Variants in NUP155 observed in about 807,000 individuals in gnomAD.
The protein encoded by NUP155 is nucleoporin 155, also known as nuclear pore complex protein Nup155.
NUP155 carries 71 observed loss-of-function variants against 180.4 expected under a neutral mutation model. That is an observed-to-expected ratio of 0.39 (90% CI 0.33 to 0.48). NUP155 has a LOEUF of 0.48. Among genes scored for constraint, NUP155 ranks in the 20% least tolerant of loss-of-function variants. The pLI is 0.91. For missense variants in NUP155, 1,553 were observed against 1,648.9 expected, an observed-to-expected ratio of 0.94 and a Z score of 1.01; for synonymous variants, 582 against 559.5, an observed-to-expected ratio of 1.04 and a Z score of -0.57.
At chr5:37,339,642 A>T (rs1410768494) in intron 11 of NUP155, among the ~76,000 whole-genome samples, 2 of 152,154 alleles carry the variant, frequency 1.3e-5, no homozygotes, top group Non-Finnish European at 2.9e-5. Context: ...CCCTCAAATG[A>T]CTTGGAAAAA....
intron 1 of NUP155, among the ~76,000 whole-genome samples, chr5:37,366,648 A>T (rs1274311881): frequency 7.1e-6 from 1 of 141,190 alleles, no homozygotes; most frequent in East Asian, 2.1e-4. Context: ...CATGTTGGCC[A>T]GGATAGTCTC....
chr5:37,306,037 A>C (rs1454782269), intron 25 of NUP155, among the ~76,000 whole-genome samples: 2 of 152,206 alleles, frequency 1.3e-5, no homozygotes, highest in Admixed American at 6.5e-5. Context: ...CTTTTTCAAT[A>C]AGTTTGAGAA....
chr5:37,368,260 C>T (rs1406246086), intron 1 of NUP155, among the ~76,000 whole-genome samples: 1 of 137,942 alleles, frequency 7.2e-6, no homozygotes. Context: ...CACTCTGTTG[C>T]CCAGGCTGGA....
intron 1 of NUP155, among the ~76,000 whole-genome samples, chr5:37,366,134 C>CT (rs1747571997): frequency 6.6e-6 from 1 of 152,138 alleles, no homozygotes; most frequent in Admixed American, 6.6e-5. Flanking sequence ...TTCTCTTGCT[C>CT]TAAGACTCCA....
At chr5:37,321,475 T>C (rs914341131) in intron 20 of NUP155, among the ~76,000 whole-genome samples, 1 of 152,116 alleles carries the variant, frequency 6.6e-6, no homozygotes, top group Non-Finnish European at 1.5e-5. Context: ...TCCCAGCACT[T>C]TGGGAGGCTG....
intron 20 of NUP155, among the ~76,000 whole-genome samples, chr5:37,323,276 G>C (rs1361644451): frequency 6.6e-6 from 1 of 152,186 alleles, no homozygotes; most frequent in African/African-American, 2.4e-5. Flanking sequence ...CAGAGCAAGA[G>C]TCCGTCTAAA....
At chr5:37,334,107 G>T (rs1472038318) in intron 12 of NUP155, among the ~76,000 whole-genome samples, 6 of 142,888 alleles carry the variant, frequency 4.2e-5, no homozygotes, top group Non-Finnish European at 6.2e-5. Flanking sequence ...GGCCTCTGGG[G>T]TTTTTTTTTT....
At position 37,333,624 on chromosome 5, in the gene NUP155, C is replaced by A. The variant is rs778625364; in HGVS notation, c.1357G>T (p.Gly453Cys). ...AGAGCCCAGGAATGACCATCAACAC[C>A]AGCTGTCATCTATGTAAAAGAAATA... ...KPMMETQMTA[G>C]VDGHSWALSA... is the part of the protein sequence containing the mutation. Residue 453 changes from glycine (G) to cysteine (C), a missense_variant, in exon 13 of 35, where the codon GGT (glycine) becomes TGT (cysteine). Gly to Cys is a radical substitution (Grantham distance 159). Coordinates refer to ENST00000231498, the MANE Select transcript of NUP155 (RefSeq NM_153485.3). The A allele has an allele frequency of 6.2e-7, 1 of 1,613,022 alleles. No individual in the cohort carries two copies. The highest frequency in any genetic ancestry group is 1.1e-5 in the South Asian group (1 of 91,046).
At chr5:37,331,084 G>A (rs940642614) in intron 14 of NUP155, among the ~76,000 whole-genome samples, 2 of 151,774 alleles carry the variant, frequency 1.3e-5, no homozygotes, top group Admixed American at 1.3e-4. Context: ...GGGAGGTGGA[G>A]CTTAGAGTGA....
intron 24 of NUP155, 101 bp downstream of exon 24, chr5:37,309,028 G>A (rs1743357236): frequency 2.5e-6 from 3 of 1,218,120 alleles, no homozygotes; most frequent in Non-Finnish European, 3.6e-6. Context: ...AAGAAGATTT[G>A]CATCTGGAAA....
At chr5:37,350,407 C>T (rs527612794) in intron 6 of NUP155, 142 bp from the exon 7 acceptor site, 11 of 635,296 alleles carry the variant, frequency 1.7e-5, no homozygotes, top group East Asian at 1.4e-4. Flanking sequence ...ATCAACAAAA[C>T]GAGACATATT....
In NUP155 at chr5:37,318,693, C is replaced by A. The variant is rs183667157; in HGVS notation, c.2208-608G>T. Reference sequence around the variant, plus strand: ...CCAAACAGTTCGGATAAGGGATATTCAATGTGTATCACAATACATAAAAAA... The same window carrying A: ...CCAAACAGTTCGGATAAGGGATATTAAATGTGTATCACAATACATAAAAAA... On this transcript the variant is annotated intron_variant, in intron 20 of 34. Coordinates refer to ENST00000231498, the MANE Select transcript of NUP155 (RefSeq NM_153485.3). Among the ~76,000 whole-genome samples, 10 of 152,144 alleles carry A rather than the reference C, an allele frequency of 6.6e-5. 1 individual carries two copies. The East Asian group carries it at 1.7e-3, about 26-fold the overall frequency.
Position 37,304,746 on chromosome 5 carries a change from A to T in NUP155, c.3155T>A (p.Leu1052Gln), listed in dbSNP as rs1312302435. The change falls in exon 27 of 35, where the codon CTG becomes CAG. Residue 1052 changes from leucine (L) to glutamine (Q), a missense_variant. Coordinates refer to ENST00000231498, the MANE Select transcript of NUP155 (RefSeq NM_153485.3). Reference protein sequence around the residue: ...WLIQVDLADKLLQVASPFLEP... With the variant: ...WLIQVDLADKQLQVASPFLEP... ...CAATAAAAAAAGATTTACCTGTAGC[A>T]GCTTATCTGCAAGGTCGACTTGTAT... 1 of 1,602,092 alleles carries T rather than the reference A, an allele frequency of 6.2e-7. No individual in the cohort carries two copies. The highest frequency in any genetic ancestry group is 1.1e-5 in the South Asian group (1 of 90,790).
chr5:37,364,421 T>C, intron 1 of NUP155, 37 bp from the exon 2 acceptor site: 3 of 1,595,964 alleles, frequency 1.9e-6, no homozygotes, highest in Non-Finnish European at 2.6e-6. Flanking sequence ...AATAATGTAC[T>C]GCTCATCAAC....
At chr5:37,292,172 T>C in intron 34 of NUP155, 134 bp from the exon 35 acceptor site, 1 of 852,218 alleles carries the variant, frequency 1.2e-6, no homozygotes, top group South Asian at 1.6e-5. Context: ...AAATAAGAAA[T>C]AAAGTAAAAA....
intron 27 of NUP155, among the ~76,000 whole-genome samples, chr5:37,303,782 T>C (rs1480346001): frequency 6.8e-6 from 1 of 147,554 alleles, no homozygotes; most frequent in African/African-American, 2.5e-5. Context: ...ACCTCGTCTC[T>C]ACAAAAAAAT....
In NUP155 at chr5:37,353,421, A is replaced by G. The variant is rs571924627; in HGVS notation, c.464-592T>C. Among the ~76,000 whole-genome samples, 8 of 152,120 alleles carry G rather than the reference A, an allele frequency of 5.3e-5. No homozygotes were observed. The East Asian group carries it at 1.4e-3, about 26-fold the overall frequency. ...AACATGGTGAAACCCCATCTCTACT[A>G]AAAACAAAAAATTAGCCGAGTGTGG... On this transcript the variant is annotated intron_variant, in intron 4 of 34. Coordinates refer to ENST00000231498, the MANE Select transcript of NUP155 (RefSeq NM_153485.3).
At chr5:37,335,382 A>G (rs1745262448) in intron 12 of NUP155, among the ~76,000 whole-genome samples, 1 of 27,414 alleles carries the variant, frequency 3.6e-5, no homozygotes, top group Admixed American at 9.4e-4. Context: ...CTGTCTCAGA[A>G]AAAAAAAAAA....
chr5:37,331,826 G>A (rs1744981749), intron 13 of NUP155, 31 bp from the exon 14 acceptor site: 2 of 1,345,038 alleles, frequency 1.5e-6, no homozygotes, highest in Non-Finnish European at 2.1e-6. Flanking sequence ...ACATGAACAA[G>A]AGATTTACCA....
Sources: gnomAD v4.1 joint callset for allele counts (sites outside exome capture counted in the v4.1 genomes callset) on GRCh38, gnomAD v4.1.1 for gene constraint, MANE v1.5 for transcripts, NCBI Gene and HGNC (gene_info 2026-07-23, HGNC 2026-07-21) for gene names.